Variants in SENP7 observed in about 807,000 individuals in gnomAD.
SENP7 encodes sentrin-specific protease 7.
Under a neutral mutation model 141.2 loss-of-function variants are expected in SENP7, and 64 were observed. That is an observed-to-expected ratio of 0.45 (90% CI 0.37 to 0.56). SENP7 has a LOEUF of 0.56. Ranked by LOEUF, SENP7 falls within the 20% of genes least tolerant of loss-of-function variation. SENP7 has a pLI of 0.00. For missense variants in SENP7, 1,025 were observed against 1,212.2 expected, an observed-to-expected ratio of 0.85 and a Z score of 2.29; for synonymous variants, 382 against 426.4, an observed-to-expected ratio of 0.90 and a Z score of 1.28.
intron 11 of SENP7, chr3:101,358,142 T>C (rs2059794024): frequency 1.9e-6 from 1 of 523,306 alleles, no homozygotes; most frequent in African/African-American, 2.0e-5. Flanking sequence ...CTACTAAACA[T>C]AAGATAATTC....
At chr3:101,362,751 T>A (rs1441203382) in intron 10 of SENP7, among the ~76,000 whole-genome samples, 1 of 152,200 alleles carries the variant, frequency 6.6e-6, no homozygotes, top group African/African-American at 2.4e-5. Context: ...TGCTTTATTG[T>A]ATACTCTATG....
chr3:101,365,634 CAAAAA>C (rs1010380283), intron 9 of SENP7, among the ~76,000 whole-genome samples: 1 of 62,130 alleles, frequency 1.6e-5, no homozygotes, highest in Admixed American at 1.8e-4. Context: ...GACTCTGTCT[CAAAAA>C]AAAAAAAAAA....
At chr3:101,426,733 C>G (rs2061972312) in intron 4 of SENP7, among the ~76,000 whole-genome samples, 1 of 152,146 alleles carries the variant, frequency 6.6e-6, no homozygotes, top group Admixed American at 6.5e-5. Context: ...CCTCCCACCT[C>G]AGCCTCCCAA....
At chr3:101,461,135 A>G (rs1208921511) in intron 3 of SENP7, among the ~76,000 whole-genome samples, 2 of 152,140 alleles carry the variant, frequency 1.3e-5, no homozygotes, top group African/African-American at 4.8e-5. Context: ...AAGAAGTGAA[A>G]GATCTCCACA....
intron 4 of SENP7, among the ~76,000 whole-genome samples, chr3:101,437,743 T>TA (rs1559823665): frequency 1.3e-5 from 2 of 151,356 alleles, no homozygotes. Context: ...AACTCAACAA[T>TA]AAAAAACCAA....
At chr3:101,359,043 A>G (rs1294439408) in intron 11 of SENP7, 3 of 152,174 alleles carry the variant, frequency 2.0e-5, no homozygotes, top group South Asian at 2.1e-4. Context: ...TTTGCAATAC[A>G]TTAAAAAAAA....
At chr3:101,494,776 C>T (rs943674055) in intron 2 of SENP7, among the ~76,000 whole-genome samples, 1 of 152,108 alleles carries the variant, frequency 6.6e-6, no homozygotes, top group Admixed American at 6.6e-5. Flanking sequence ...CTTCCTTATA[C>T]CATATACAAA....
intron 11 of SENP7, among the ~76,000 whole-genome samples, chr3:101,355,416 G>T (rs2059714172): frequency 1.3e-5 from 2 of 152,122 alleles, no homozygotes; most frequent in South Asian, 4.1e-4. Context: ...TCCAGCTTCA[G>T]TCTTCTGCAT....
chr3:101,361,325 T>A (rs1365349711), intron 11 of SENP7, among the ~76,000 whole-genome samples: 1 of 152,168 alleles, frequency 6.6e-6, no homozygotes, highest in African/African-American at 2.4e-5. Flanking sequence ...TAGGATTAGT[T>A]CCTGGATATC....
chr3:101,373,261 T>C (rs1229458874), intron 6 of SENP7, among the ~76,000 whole-genome samples: 3 of 152,238 alleles, frequency 2.0e-5, no homozygotes, highest in Non-Finnish European at 4.4e-5. Context: ...CAATTTCACT[T>C]GCAAAGAGGT....
At chr3:101,385,790 A>G (rs1300036043) in intron 6 of SENP7, among the ~76,000 whole-genome samples, 1 of 152,222 alleles carries the variant, frequency 6.6e-6, no homozygotes, top group Non-Finnish European at 1.5e-5. Flanking sequence ...ATCTAGAATT[A>G]TAAGCCAGAC....
At chr3:101,331,296 A>G (rs757379113) in intron 19 of SENP7, among the ~76,000 whole-genome samples, 6 of 151,972 alleles carry the variant, frequency 3.9e-5, no homozygotes, top group Non-Finnish European at 8.8e-5. Context: ...CCTGGGCAAC[A>G]TAGTGAGATC....
chr3:101,484,651 G>A (rs985414198), intron 3 of SENP7, among the ~76,000 whole-genome samples: 14 of 152,084 alleles, frequency 9.2e-5, no homozygotes, highest in Non-Finnish European at 1.0e-4. Flanking sequence ...AGAAGTTTCC[G>A]ACCTAACCTG....
intron 12 of SENP7, among the ~76,000 whole-genome samples, chr3:101,351,095 A>T (rs2059601326): frequency 6.6e-6 from 1 of 151,964 alleles, no homozygotes; most frequent in African/African-American, 2.4e-5. Context: ...TTATATAAAT[A>T]GATTATCCTC....
chr3:101,432,029 T>C (rs2062198998), intron 4 of SENP7, among the ~76,000 whole-genome samples: 1 of 152,112 alleles, frequency 6.6e-6, no homozygotes, highest in African/African-American at 2.4e-5. Flanking sequence ...ATGGCACTTT[T>C]GGACCTGACC....
chr3:101,495,533 A>T (rs2065128374), intron 2 of SENP7, among the ~76,000 whole-genome samples: 1 of 152,372 alleles, frequency 6.6e-6, no homozygotes. Flanking sequence ...GAATAAAGAA[A>T]ATATAAAACA....
chr3:101,463,372 T>TATATATATATATATAC (rs2063625076), intron 3 of SENP7, among the ~76,000 whole-genome samples: 6 of 84,516 alleles, frequency 7.1e-5, no homozygotes, highest in African/African-American at 3.2e-4. Context: ...TAAATATATA[T>TATATATATATATATAC]ATATATATAT....
chr3:101,416,086 T>C (rs1271643162), intron 5 of SENP7, among the ~76,000 whole-genome samples: 2 of 152,132 alleles, frequency 1.3e-5, no homozygotes, highest in Non-Finnish European at 2.9e-5. Context: ...AGGCACAAGT[T>C]TGAGAAAAGA....
At chr3:101,501,229 T>C (rs2065365583) in intron 1 of SENP7, 110 bp from the exon 2 acceptor site, 2 of 734,170 alleles carry the variant, frequency 2.7e-6, no homozygotes, top group African/African-American at 1.8e-5. Context: ...ATTAACTTGT[T>C]AGATTTAGAA....
Sources: gnomAD v4.1 joint callset for allele counts (sites outside exome capture counted in the v4.1 genomes callset) on GRCh38, gnomAD v4.1.1 for gene constraint, MANE v1.5 for transcripts, NCBI Gene and HGNC (gene_info 2026-07-23, HGNC 2026-07-21) for gene names.